Variants in SEPTIN8 observed in about 807,000 individuals in gnomAD.
SEPTIN8 encodes septin 8, also known as septin-8.
Under a neutral mutation model 53.1 loss-of-function variants are expected in SEPTIN8, and 22 were observed. That is an observed-to-expected ratio of 0.41 (90% confidence interval 0.30 to 0.59). SEPTIN8 has a LOEUF of 0.59. Among genes scored for constraint, SEPTIN8 ranks in the 20% least tolerant of loss-of-function variants. SEPTIN8 has a pLI of 0.24. For missense variants in SEPTIN8, 536 were observed against 638.7 expected (o/e 0.84, Z 1.73); for synonymous variants, 228 against 248.4 (o/e 0.92, Z 0.77).
At chr5:132,752,852 C>G (rs1754975982) in intron 9 of SEPTIN8, 1 of 1,605,318 alleles carries the variant, frequency 6.2e-7, no homozygotes, top group Non-Finnish European at 8.5e-7. Context: ...GATGGCCACT[C>G]TATTCTAATA....
chr5:132,751,986 G>T lies in SEPTIN8; in HGVS notation c.*30C>A. 6.2e-7 allele frequency: 1 copy of T among 1,611,636 alleles called. No individual in the cohort carries two copies. The highest frequency in any genetic ancestry group is 8.5e-7 in the Non-Finnish European group (1 of 1,179,156). On this transcript the variant is annotated 3_prime_UTR_variant, in exon 10 of 10. Transcript: ENST00000378719. ...TCCAGTTCCATGCCCTGGTGGTCCT[G>T]AGCTGGCCCCATGTGTTGGAGCTGC...
intron 1 of SEPTIN8, among the ~76,000 whole-genome samples, chr5:132,772,724 C>G (rs1757439883): frequency 6.6e-6 from 1 of 152,152 alleles, no homozygotes; most frequent in South Asian, 2.1e-4. Context: ...ATGGGGGTGG[C>G]ACTGCTATAC....
At chr5:132,777,362 C>T (rs950648653), upstream of SEPTIN8, 1 of 1,037,422 alleles carries the variant, frequency 9.6e-7, no homozygotes, top group Non-Finnish European at 1.2e-6. The surrounding 1 kb of genome is among the most constrained non-coding windows in gnomAD (Gnocchi z 4.1). Flanking sequence ...CGAGCGCAGC[C>T]GGAGCCCCGC....
At chr5:132,758,314 T>G in intron 9 of SEPTIN8, 2 of 1,363,556 alleles carry the variant, frequency 1.5e-6, no homozygotes, top group Non-Finnish European at 9.4e-7. Context: ...AAAATAAATA[T>G]TTAGAAGTGT....
intron 9 of SEPTIN8, chr5:132,757,102 G>T: frequency 1.0e-6 from 1 of 985,238 alleles, no homozygotes; most frequent in Non-Finnish European, 1.2e-6. Context: ...AACCAGATAC[G>T]GACTTATTGT....
At chr5:132,755,265 C>G (rs941874192) in intron 9 of SEPTIN8, among the ~76,000 whole-genome samples, 3 of 152,200 alleles carry the variant, frequency 2.0e-5, no homozygotes, top group Non-Finnish European at 2.9e-5. Flanking sequence ...AACCCACATA[C>G]TTTTTATCAC....
At chr5:132,765,599 T>A in intron 1 of SEPTIN8, 70 bp from the exon 2 acceptor site, 1 of 1,504,086 alleles carries the variant, frequency 6.6e-7, no homozygotes, top group Non-Finnish European at 8.9e-7. Context: ...GGGTGGGCGC[T>A]AAATCTGAGT....
chr5:132,770,521 G>T (rs1040881423), intron 1 of SEPTIN8, among the ~76,000 whole-genome samples: 4 of 152,130 alleles, frequency 2.6e-5, no homozygotes, highest in African/African-American at 4.8e-5. Context: ...AATTTTTAAA[G>T]ATTGACAACC....
At chr5:132,768,511 G>A (rs547071593) in intron 1 of SEPTIN8, among the ~76,000 whole-genome samples, 1 of 152,318 alleles carries the variant, frequency 6.6e-6, no homozygotes, top group South Asian at 2.1e-4. Context: ...GCCTGCTCCA[G>A]GCATCTCTAC....
At chr5:132,764,078 T>A in intron 3 of SEPTIN8, 146 bp downstream of exon 3, 1 of 954,562 alleles carries the variant, frequency 1.0e-6, no homozygotes, top group Non-Finnish European at 1.5e-6. Flanking sequence ...AAGGAGTAAC[T>A]GGTCTGTTGG....
intron 9 of SEPTIN8, chr5:132,753,955 G>GGTTT (rs1561732694): frequency 2.7e-5 from 3 of 111,678 alleles, no homozygotes; most frequent in African/African-American, 1.8e-4. Flanking sequence ...TGTGAACTAT[G>GGTTT]GTTTTTTTTT....
At chr5:132,777,697 G>A, upstream of SEPTIN8, 2 of 985,592 alleles carry the variant, frequency 2.0e-6, no homozygotes, top group Non-Finnish European at 2.4e-6. This position sits in a 1 kb window ranked among gnomAD's most constrained non-coding sequence, Gnocchi z 4.1. Context: ...CAAGCTGCGG[G>A]AGACCCGTCG....
chr5:132,770,063 G>A (rs13173641), intron 1 of SEPTIN8, among the ~76,000 whole-genome samples: 14 of 90,228 alleles, frequency 1.6e-4, no homozygotes, highest in Admixed American at 4.1e-4. Context: ...GTGTGTGTGT[G>A]TATATATATA....
intron 2 of SEPTIN8, 50 bp from the exon 3 acceptor site, chr5:132,764,469 T>C: frequency 6.6e-7 from 1 of 1,509,184 alleles, no homozygotes. Flanking sequence ...AGGCTGGAAA[T>C]GGGCTGTCCT....
chr5:132,761,351 G>A lies in SEPTIN8; in HGVS notation c.963-86C>T. The stretch of plus-strand genomic sequence containing the variant: ...GGCAGAGCCAGAGAAGTAGAATCAT[G>A]TGGGCACGAGGGGTAAGAGGATGTG... On this transcript the variant is annotated intron_variant, in intron 7 of 9. Coordinates refer to ENST00000378719, the MANE Select transcript of SEPTIN8 (RefSeq NM_001098811.2). The surrounding 1 kb of genome is among the most constrained non-coding windows in gnomAD (Gnocchi z 5.8). 1 of 1,595,294 alleles carries A rather than the reference G, an allele frequency of 6.3e-7. No individual in the cohort carries two copies. Among genetic ancestry groups the A allele is most frequent in the Non-Finnish European group, 8.5e-7 (1 of 1,173,450 alleles).
chr5:132,757,779 C>T, intron 9 of SEPTIN8: 8 of 985,360 alleles, frequency 8.1e-6, no homozygotes, highest in Non-Finnish European at 9.6e-6. Flanking sequence ...TAAAATGTTC[C>T]CCTTTAGAGT....
At position 132,758,313 on chromosome 5, in the gene SEPTIN8, A is replaced by G. The variant is rs78253221; in HGVS notation, c.1286+2489T>C. 3.3e-3 allele frequency: 4,514 copies of G among 1,365,826 alleles called. 111 individuals are homozygous for G. The African/African-American group carries it at 0.057, about 17-fold the overall frequency. The allele number at this position is 1,365,826 out of a possible 1,614,324, so 84.6% of individuals were successfully genotyped here. ...TCTTGACGCTGGTGCCAAAATAAAT[A>G]TTTAGAAGTGTTTTAAAGTTATTAA... On this transcript the variant is annotated intron_variant, in intron 9 of 9. Transcript: ENST00000378719.
Position 132,751,312 on chromosome 5 carries a change from C to A in SEPTIN8, c.*704G>T. The stretch of plus-strand genomic sequence containing the variant: ...AACTTTCCATTCTATGAATACTGTA[C>A]ATAAATATCTGTCTGCTTTTGCTAC... On this transcript the variant is annotated 3_prime_UTR_variant, in exon 10 of 10. Coordinates refer to ENST00000378719, the MANE Select transcript of SEPTIN8 (RefSeq NM_001098811.2). 1 of 260,380 alleles carries A rather than the reference C, an allele frequency of 3.8e-6. No homozygotes were observed. Among genetic ancestry groups the A allele is most frequent in the Non-Finnish European group, 7.2e-6 (1 of 138,028 alleles). 16.1% of individuals were successfully genotyped at this position (260,380 alleles called of 1,614,324 possible). A position where few individuals can be genotyped will look rare whatever the true frequency, so the allele number is the denominator to read the frequency against.
intron 1 of SEPTIN8, chr5:132,775,766 C>T (rs1757730677): frequency 6.6e-6 from 1 of 152,234 alleles, no homozygotes; most frequent in African/African-American, 2.4e-5. Flanking sequence ...ATCAGCAGGT[C>T]TGTTAGGATT....
Sources: allele counts gnomAD v4.1 joint callset (sites outside exome capture counted in the v4.1 genomes callset), GRCh38; gene constraint gnomAD v4.1.1; non-coding constraint Gnocchi (gnomAD v3.1); transcripts MANE v1.5; gene names NCBI Gene and HGNC (gene_info 2026-07-23, HGNC 2026-07-21).